The following ACTRT2 variants were observed in gnomAD, a reference collection of about 807,000 sequenced individuals.
ACTRT2 encodes the protein actin-related protein T2.
In ACTRT2, 1 loss-of-function variant was observed where a neutral mutation model predicts 1.2. The ratio of observed to expected loss-of-function variants is 0.80; its 90% CI spans 0.29 to 3.81. The LOEUF is 3.81. Among genes scored for constraint, ACTRT2 ranks in the 30% most tolerant of loss-of-function variants. The pLI is 0.18. For synonymous variants in ACTRT2, 262 were observed against 228.9 expected, an observed-to-expected ratio of 1.14 and a Z score of -1.30; for missense variants, 488 against 497.9, an observed-to-expected ratio of 0.98 and a Z score of 0.19.
At position 3,022,172 on chromosome 1, in the gene ACTRT2, G is replaced by A. The variant is rs201013252; in HGVS notation, c.486G>A (p.Ala162=). The change falls in exon 1 of 1, where the codon GCG becomes GCA. Residue 162 remains alanine, a synonymous_variant. Transcript: ENST00000378404. This position sits in a 1 kb window ranked among gnomAD's most constrained non-coding sequence, Gnocchi z 7.7. ...GCCTGGTGGTGGACAGCGGGGATGC[G>A]GTCACCTGCACTGTCCCCATCTTTG... ...VTGLVVDSGD[A]VTCTVPIFEG... The A allele has an allele frequency of 1.9e-5, 31 of 1,613,076 alleles. No individual in the cohort carries two copies. Among genetic ancestry groups the A allele is most frequent in the East Asian group, 8.9e-5 (4 of 44,876 alleles).
rs756049231 is a variant in ACTRT2, at chr1:3,022,329, G to C, written c.643G>C (p.Asp215His). The C allele has an allele frequency of 4.3e-6, 7 of 1,612,940 alleles. No individual in the cohort carries two copies. The highest frequency in any genetic ancestry group is 5.1e-6 in the Non-Finnish European group (6 of 1,180,018). Reference protein sequence around the residue: ...PCQLDKGLVDDIKKKLCYVAL... With the variant: ...PCQLDKGLVDHIKKKLCYVAL... ...CCAGCTGGACAAGGGTCTCGTGGAC[G>C]ACATCAAAAAGAAGCTGTGCTACGT... The change falls in exon 1 of 1, where the codon GAC becomes CAC. Residue 215 changes from aspartate (D) to histidine (H), a missense_variant. Asp to His is a moderately conservative substitution (Grantham distance 81). Transcript: ENST00000378404. The surrounding 1 kb of genome is among the most constrained non-coding windows in gnomAD (Gnocchi z 7.7).
In ACTRT2 at chr1:3,021,862, G is replaced by C; in HGVS notation, c.176G>C (p.Gly59Ala). ...GCCAACCAGAAGAAGTACTTTGTGG[G>C]GGAGGAGGCCCTGTACAAGCAGGAG... is the stretch of plus-strand genomic sequence containing the variant. ...AEANQKKYFV[G>A]EEALYKQEAL... Residue 59 changes from glycine (G) to alanine (A), a missense_variant, in exon 1 of 1, where the codon GGG becomes GCG. Physicochemically the swap from Gly to Ala is moderately conservative, Grantham distance 60. Transcript: ENST00000378404. The C allele has an allele frequency of 1.2e-6, 2 of 1,613,384 alleles. No individual in the cohort carries two copies. Among genetic ancestry groups the C allele is most frequent in the Non-Finnish European group, 1.7e-6 (2 of 1,180,018 alleles).
rs200744486 is a variant in ACTRT2, at chr1:3,022,033, C to T, written c.347C>T (p.Pro116Leu). 97 of 1,613,376 alleles carry T rather than the reference C, an allele frequency of 6.0e-5. No homozygotes were observed. Among genetic ancestry groups the T allele is most frequent in the Non-Finnish European group, 7.8e-5 (92 of 1,179,996 alleles). ...CTTGCAACGGAGCCCTCCCTGAACCCCAGGGAGAACCGTGAGAAGATGGCA... is the reference window on the plus strand; with the variant it reads ...CTTGCAACGGAGCCCTCCCTGAACCTCAGGGAGAACCGTGAGAAGATGGCA... ...PLLATEPSLN[P>L]RENREKMAEV... The change falls in exon 1 of 1, where the codon CCC becomes CTC. Residue 116 changes from proline (P) to leucine (L), a missense_variant. Transcript: ENST00000378404. The surrounding 1 kb of genome is among the most constrained non-coding windows in gnomAD (Gnocchi z 7.7).
In ACTRT2 at chr1:3,021,556, C is replaced by A; in HGVS notation, c.-131C>A. 2 of 1,306,052 alleles carry A rather than the reference C, an allele frequency of 1.5e-6. No homozygotes were observed. Among genetic ancestry groups the A allele is most frequent in the Non-Finnish European group, 1.0e-6 (1 of 957,348 alleles). The allele number at this position is 1,306,052 out of a possible 1,614,324, so 80.9% of individuals were successfully genotyped here. The stretch of plus-strand genomic sequence containing the variant: ...CGGCTGAGGATGCAGGGCTCCCGGG[C>A]ACGGTGCTAGCCCTGCCTTGAGACA... On this transcript the variant is annotated 5_prime_UTR_variant, in exon 1 of 1. Transcript: ENST00000378404.
Position 3,021,932 on chromosome 1 carries a change from G to A in ACTRT2, c.246G>A (p.Gly82=), listed in dbSNP as rs1233885692. ...HSPFERGLIT[G]WDDVERLWKH... ...CTTTCGAGCGTGGCCTGATCACAGG[G>A]TGGGATGACGTGGAGAGACTCTGGA... The change falls in exon 1 of 1, where the codon GGG becomes GGA. Residue 82 remains glycine, a synonymous_variant. Coordinates refer to ENST00000378404, the MANE Select transcript of ACTRT2 (RefSeq NM_080431.5). The A allele has an allele frequency of 6.2e-7, 1 of 1,613,624 alleles. No homozygotes were observed. The highest frequency in any genetic ancestry group is 2.2e-5 in the East Asian group (1 of 44,856).
Position 3,022,790 on chromosome 1 carries a change from G to A in ACTRT2, c.1104G>A (p.Gly368=). ...WVTAADFKEF[G]TSVVQRRCF ...CCGCCGCAGACTTCAAGGAGTTTGGGACCTCCGTGGTGCAGAGAAGATGCT... is the reference window on the plus strand; with the variant it reads ...CCGCCGCAGACTTCAAGGAGTTTGGAACCTCCGTGGTGCAGAGAAGATGCT... The change falls in exon 1 of 1, where the codon GGG becomes GGA. Residue 368 remains glycine, a synonymous_variant. Coordinates refer to ENST00000378404, the MANE Select transcript of ACTRT2 (RefSeq NM_080431.5). This position sits in a 1 kb window ranked among gnomAD's most constrained non-coding sequence, Gnocchi z 7.7. 1 of 1,613,302 alleles carries A rather than the reference G, an allele frequency of 6.2e-7. No individual in the cohort carries two copies. The highest frequency in any genetic ancestry group is 8.5e-7 in the Non-Finnish European group (1 of 1,179,486).
rs763403198 is a variant in ACTRT2, at chr1:3,022,419, C to T, written c.733C>T (p.Pro245Ser). 1.9e-6 allele frequency: 3 copies of T among 1,612,898 alleles called. No individual in the cohort carries two copies. Among genetic ancestry groups the T allele is most frequent in the South Asian group, 1.1e-5 (1 of 91,082 alleles). Residue 245 changes from proline to serine, a missense_variant, in exon 1 of 1, where the codon CCC becomes TCC. Pro to Ser is a moderately conservative substitution (Grantham distance 74). Coordinates refer to ENST00000378404, the MANE Select transcript of ACTRT2 (RefSeq NM_080431.5). The surrounding 1 kb of genome is among the most constrained non-coding windows in gnomAD (Gnocchi z 7.7). ...GGAGGTCCTGAGGGAGTACAAGCTG[C>T]CCGACGGGAACATCATCAGCCTCGG... The part of the protein sequence containing the change: ...PEEVLREYKL[P>S]DGNIISLGDP...
At position 3,022,205 on chromosome 1, in the gene ACTRT2, C is replaced by G; in HGVS notation, c.519C>G (p.Tyr173Ter). The G allele has an allele frequency of 6.2e-7, 1 of 1,613,104 alleles. No homozygotes were observed. The highest frequency in any genetic ancestry group is 8.5e-7 in the Non-Finnish European group (1 of 1,180,036). ...GCACTGTCCCCATCTTTGAGGGTTA[C>G]TCCCTGCCCCACGCAGTCACCAAGC... Reference protein sequence around the residue: ...VTCTVPIFEGYSLPHAVTKLH... With the variant: ...VTCTVPIFEG The change falls in exon 1 of 1, where the codon TAC becomes TAG. Residue 173 changes from tyrosine to a stop codon, truncating the protein, a stop_gained. Coordinates refer to ENST00000378404, the MANE Select transcript of ACTRT2 (RefSeq NM_080431.5). LOFTEE classifies it low-confidence loss of function (END_TRUNC). The surrounding 1 kb of genome is among the most constrained non-coding windows in gnomAD (Gnocchi z 7.7).
Position 3,022,850 on chromosome 1 carries a change from G to A in ACTRT2, c.*30G>A, listed in dbSNP as rs779686958. 3.8e-6 allele frequency: 6 copies of A among 1,579,506 alleles called. No homozygotes were observed. The South Asian group carries it at 4.6e-5, about 12-fold the overall frequency. Reference sequence around the variant, plus strand: ...CGCTTCTCGTTGGGTACCGTGGGGGGTGAACCCTAGCCCCAGCTTTGGGAG... The same window carrying A: ...CGCTTCTCGTTGGGTACCGTGGGGGATGAACCCTAGCCCCAGCTTTGGGAG... On this transcript the variant is annotated 3_prime_UTR_variant, in exon 1 of 1. Coordinates refer to ENST00000378404, the MANE Select transcript of ACTRT2 (RefSeq NM_080431.5). The surrounding 1 kb of genome is among the most constrained non-coding windows in gnomAD (Gnocchi z 7.7).
chr1:3,022,299 C>T lies in ACTRT2; in HGVS notation c.613C>T (p.Pro205Ser), dbSNP rs1641086736. 6.2e-7 allele frequency: 1 copy of T among 1,612,784 alleles called. No homozygotes were observed. The highest frequency in any genetic ancestry group is 8.5e-7 in the Non-Finnish European group (1 of 1,179,900). ...GCTCCTGGCCAGCGGCCACACCTTC[C>T]CCTGCCAGCTGGACAAGGGTCTCGT... is the stretch of plus-strand genomic sequence containing the variant. ...QLLLASGHTFPCQLDKGLVDD... is the reference protein window; with the variant it reads ...QLLLASGHTFSCQLDKGLVDD... The change falls in exon 1 of 1, where the codon CCC becomes TCC. Residue 205 changes from proline to serine, a missense_variant. By Grantham distance (74) the Pro-to-Ser change is moderately conservative. Transcript: ENST00000378404. This position sits in a 1 kb window ranked among gnomAD's most constrained non-coding sequence, Gnocchi z 7.7.
At position 3,021,706 on chromosome 1, in the gene ACTRT2, T is replaced by C. The variant is rs1373247490; in HGVS notation, c.20T>C (p.Leu7Ser). The C allele has an allele frequency of 6.2e-7, 1 of 1,613,646 alleles. No individual in the cohort carries two copies. Among genetic ancestry groups the C allele is most frequent in the Non-Finnish European group, 8.5e-7 (1 of 1,179,914 alleles). ...GCGGGCATGTTTAATCCGCACGCTT[T>C]AGACTCCCCGGCTGTGATTTTTGAC... The part of the protein sequence containing the change: MFNPHA[L>S]DSPAVIFDNG... Residue 7 changes from leucine (L) to serine (S), a missense_variant, in exon 1 of 1, where the codon TTA becomes TCA. Physicochemically the swap from Leu to Ser is moderately radical, Grantham distance 145. Transcript: ENST00000378404.
rs201852006 is a variant in ACTRT2, at chr1:3,021,712, C to T, written c.26C>T (p.Ser9Phe). The change falls in exon 1 of 1, where the codon TCC becomes TTC. Residue 9 changes from serine to phenylalanine, a missense_variant. Coordinates refer to ENST00000378404, the MANE Select transcript of ACTRT2 (RefSeq NM_080431.5). Reference protein sequence around the residue: MFNPHALDSPAVIFDNGSG... With the variant: MFNPHALDFPAVIFDNGSG... The stretch of plus-strand genomic sequence containing the variant: ...ATGTTTAATCCGCACGCTTTAGACT[C>T]CCCGGCTGTGATTTTTGACAATGGC... 2 of 1,613,768 alleles carry T rather than the reference C, an allele frequency of 1.2e-6. No homozygotes were observed. The highest frequency in any genetic ancestry group is 1.7e-6 in the Non-Finnish European group (2 of 1,179,934).
Position 3,021,719 on chromosome 1 carries a change from TGTG to T in ACTRT2, c.34_36del (p.Val12del), listed in dbSNP as rs1452070369. 1.9e-6 allele frequency: 3 copies of T among 1,613,808 alleles called. No homozygotes were observed. Among genetic ancestry groups the T allele is most frequent in the Non-Finnish European group, 2.5e-6 (3 of 1,180,018 alleles). ...ATCCGCACGCTTTAGACTCCCCGGC[TGTG>T]ATTTTTGACAATGGCTCGGGGTTCT... On this transcript the variant is annotated inframe_deletion, in exon 1 of 1. Coordinates refer to ENST00000378404, the MANE Select transcript of ACTRT2 (RefSeq NM_080431.5).
chr1:3,022,681 C>T lies in ACTRT2; in HGVS notation c.995C>T (p.Thr332Met), dbSNP rs990097438. The change falls in exon 1 of 1, where the codon ACG (threonine) becomes ATG (methionine). Residue 332 changes from threonine to methionine, a missense_variant. Thr to Met is a moderately conservative substitution (Grantham distance 81). Coordinates refer to ENST00000378404, the MANE Select transcript of ACTRT2 (RefSeq NM_080431.5). The surrounding 1 kb of genome is among the most constrained non-coding windows in gnomAD (Gnocchi z 7.7). The part of the protein sequence containing the change: ...LASKDTPIKI[T>M]APPDRWFSTW... ...TCCAAGGACACCCCCATCAAGATCA[C>T]GGCTCCCCCCGACCGGTGGTTCTCC... 2.5e-6 allele frequency: 4 copies of T among 1,613,366 alleles called. No homozygotes were observed. The highest frequency in any genetic ancestry group is 2.2e-5 in the East Asian group (1 of 44,840).
In ACTRT2 at chr1:3,021,470, C is replaced by A. The variant is rs766766739; in HGVS notation, c.-217C>A. The A allele has an allele frequency of 2.8e-5, 16 of 577,514 alleles. No homozygotes were observed. Among genetic ancestry groups the A allele is most frequent in the Non-Finnish European group, 4.7e-5 (16 of 336,962 alleles). 35.8% of individuals were successfully genotyped at this position (577,514 alleles called of 1,614,324 possible). On this transcript the variant is annotated 5_prime_UTR_variant, in exon 1 of 1. Transcript: ENST00000378404. ...GCTAGATTGTTACCTAGGAGACAAC[C>A]CCCTGGCCCCCTGGAAGAGGCCTCA...
At position 3,022,745 on chromosome 1, in the gene ACTRT2, C is replaced by A. The variant is rs1421559726; in HGVS notation, c.1059C>A (p.Ser353Arg). The change falls in exon 1 of 1, where the codon AGC becomes AGA. Residue 353 changes from serine to arginine, a missense_variant. Ser to Arg is a moderately radical substitution (Grantham distance 110). Transcript: ENST00000378404. The surrounding 1 kb of genome is among the most constrained non-coding windows in gnomAD (Gnocchi z 7.7). ...CCTCCATCGTCACCTCTCTGAGTAG[C>A]TTCAAGCAGATGTGGGTCACCGCCG... ...IGASIVTSLS[S>R]FKQMWVTAAD... 1 of 1,613,824 alleles carries A rather than the reference C, an allele frequency of 6.2e-7. No individual in the cohort carries two copies. Among genetic ancestry groups the A allele is most frequent in the South Asian group, 1.1e-5 (1 of 91,068 alleles).
chr1:3,022,446 G>C lies in ACTRT2; in HGVS notation c.760G>C (p.Asp254His). 6.2e-7 allele frequency: 1 copy of C among 1,612,878 alleles called. No individual in the cohort carries two copies. The highest frequency in any genetic ancestry group is 8.5e-7 in the Non-Finnish European group (1 of 1,180,010). The change falls in exon 1 of 1, where the codon GAC becomes CAC. Residue 254 changes from aspartate (D) to histidine (H), a missense_variant. Asp to His is a moderately conservative substitution (Grantham distance 81). Coordinates refer to ENST00000378404, the MANE Select transcript of ACTRT2 (RefSeq NM_080431.5). This position sits in a 1 kb window ranked among gnomAD's most constrained non-coding sequence, Gnocchi z 7.7. ...LPDGNIISLGDPLHQAPEALF... is the reference protein window; with the variant it reads ...LPDGNIISLGHPLHQAPEALF... The stretch of plus-strand genomic sequence containing the variant: ...CGACGGGAACATCATCAGCCTCGGG[G>C]ACCCGCTGCACCAGGCGCCCGAGGC...
rs768291220 is a variant in ACTRT2 at position 3,022,089 on chromosome 1, G to A, written c.403G>A (p.Ala135Thr). Residue 135 changes from alanine (A) to threonine (T), a missense_variant, in exon 1 of 1, where the codon GCT becomes ACT. Ala to Thr is a moderately conservative substitution (Grantham distance 58, BLOSUM62 0). Coordinates refer to ENST00000378404, the MANE Select transcript of ACTRT2 (RefSeq NM_080431.5). This position sits in a 1 kb window ranked among gnomAD's most constrained non-coding sequence, Gnocchi z 7.7. ...EVMFENFGVP[A>T]FYLSDQAVLA... The stretch of plus-strand genomic sequence containing the variant: ...CATGTTCGAGAACTTCGGCGTGCCC[G>A]CTTTCTACCTGTCGGACCAGGCGGT... The A allele has an allele frequency of 3.1e-5, 50 of 1,613,306 alleles. 1 individual carries two copies. The highest frequency in any genetic ancestry group is 3.5e-5 in the Non-Finnish European group (41 of 1,180,034).
rs745980298 is a variant in ACTRT2 at position 3,021,740 on chromosome 1, G to C, written c.54G>C (p.Ser18=). 32 of 1,613,544 alleles carry C rather than the reference G, an allele frequency of 2.0e-5. No homozygotes were observed. The highest frequency in any genetic ancestry group is 6.7e-5 in the East Asian group (3 of 44,886). Residue 18 remains serine, a synonymous_variant, in exon 1 of 1, where the codon TCG becomes TCC. Transcript: ENST00000378404. ...DSPAVIFDNG[S]GFCKAGLSGE... ...CGGCTGTGATTTTTGACAATGGCTC[G>C]GGGTTCTGCAAAGCGGGCCTGTCTG...
Sources: allele counts gnomAD v4.1 joint callset, GRCh38; gene constraint gnomAD v4.1.1; non-coding constraint Gnocchi (gnomAD v3.1); transcripts MANE v1.5; gene names NCBI Gene and HGNC (gene_info 2026-07-23, HGNC 2026-07-21).